Variants in ANKRD50 observed in about 807,000 individuals in gnomAD.
ANKRD50 encodes ankyrin repeat domain-containing protein 50.
ANKRD50 carries 40 observed loss-of-function variants against 112.0 expected under a neutral mutation model. The ratio of observed to expected loss-of-function variants is 0.36; its 90% CI spans 0.28 to 0.46. The LOEUF (loss-of-function observed/expected upper bound fraction) is 0.46, where lower values mean the gene tolerates loss of function less well. Ranked by LOEUF, ANKRD50 falls within the 20% of genes least tolerant of loss-of-function variation. The probability of loss-of-function intolerance (pLI) is 1.00; values close to 1 mark genes in which losing one functional copy is unlikely to be tolerated. For missense variants in ANKRD50, 1,487 were observed against 1,701.7 expected, an observed-to-expected ratio of 0.87 and a Z score of 2.22; for synonymous variants, 613 against 619.1, an observed-to-expected ratio of 0.99 and a Z score of 0.15.
intron 3 of ANKRD50, among the ~76,000 whole-genome samples, chr4:124,675,159 T>C (rs1730745432): frequency 6.6e-6 from 1 of 151,738 alleles, no homozygotes; most frequent in Admixed American, 6.6e-5. Flanking sequence ...TTCTATTCTT[T>C]TCTATTCTTA....
intron 2 of ANKRD50, among the ~76,000 whole-genome samples, chr4:124,687,343 C>T (rs984371913): frequency 2.0e-5 from 3 of 151,752 alleles, no homozygotes; most frequent in Non-Finnish European, 4.4e-5. Context: ...GCAAAAAAGA[C>T]GAACTTCAAT....
At chr4:124,675,219 T>C (rs1292055788) in intron 3 of ANKRD50, among the ~76,000 whole-genome samples, 1 of 151,840 alleles carries the variant, frequency 6.6e-6, no homozygotes, top group Non-Finnish European at 1.5e-5. Context: ...ACTTGAAACA[T>C]TTCTATTATT....
chr4:124,670,622 T>C lies in ANKRD50; in HGVS notation c.2655A>G (p.Ile885Met), dbSNP rs1730621758. 6 of 1,613,566 alleles carry C rather than the reference T, an allele frequency of 3.7e-6. No homozygotes were observed. The East Asian group carries it at 1.3e-4, about 36-fold the overall frequency. Reference sequence around the variant, plus strand: ...CATAATGACCCTCTTGTGAAGCTAATATGAAAGGGATTCGTCCATCATTGT... The same window carrying C: ...CATAATGACCCTCTTGTGAAGCTAACATGAAAGGGATTCGTCCATCATTGT... The part of the protein sequence containing the change: ...EIDNDGRIPF[I>M]LASQEGHYDC... Residue 885 changes from isoleucine (I) to methionine (M), a missense_variant, in exon 4 of 5, where the codon ATA becomes ATG. By Grantham distance (10) the Ile-to-Met change is conservative. This residue lies in a region of ANKRD50 where 1,046 missense variants were observed against 1,269.5 expected (regional missense o/e 0.82). Transcript: ENST00000504087.
intron 2 of ANKRD50, among the ~76,000 whole-genome samples, chr4:124,697,705 C>G (rs1236504135): frequency 6.6e-6 from 1 of 152,044 alleles, no homozygotes; most frequent in East Asian, 1.9e-4. Flanking sequence ...AAAACTTATC[C>G]AGCCTCAGGT....
In ANKRD50 at chr4:124,671,878, C is replaced by G. The variant is rs370851252; in HGVS notation, c.1399G>C (p.Glu467Gln). 1.6e-5 allele frequency: 26 copies of G among 1,613,776 alleles called. No individual in the cohort carries two copies. In the African/African-American group the frequency reaches 2.9e-4, roughly 18 times the overall value. ...ATCCACAGAGCTAACTCCGCTGTCT[C>G]TAATTGTAAGTTTGAGTTAATTAAG... Reference protein sequence around the residue: ...LHLINSNLQLETAELALWMIW... With the variant: ...LHLINSNLQLQTAELALWMIW... Residue 467 changes from glutamate to glutamine, a missense_variant, in exon 4 of 5, where the codon GAG becomes CAG. By Grantham distance (29) the Glu-to-Gln change is conservative (BLOSUM62 2). Transcript: ENST00000504087.
chr4:124,691,809 G>A (rs552637272), intron 2 of ANKRD50, among the ~76,000 whole-genome samples: 1 of 152,244 alleles, frequency 6.6e-6, no homozygotes, highest in South Asian at 2.1e-4. Flanking sequence ...GAGCAGAAGA[G>A]AAAACTAATG....
chr4:124,696,731 T>C (rs1307628235), intron 2 of ANKRD50, among the ~76,000 whole-genome samples: 7 of 152,170 alleles, frequency 4.6e-5, no homozygotes, highest in Non-Finnish European at 8.8e-5. Context: ...TTTTTTTGTC[T>C]TGGAGAATAT....
chr4:124,678,541 C>G (rs956799244), intron 3 of ANKRD50, 135 bp downstream of exon 3: 1 of 750,452 alleles, frequency 1.3e-6, no homozygotes, highest in African/African-American at 1.8e-5. Flanking sequence ...ATATAAATTT[C>G]AAAACGCACA....
Position 124,669,405 on chromosome 4 carries a change from G to A in ANKRD50, c.3872C>T (p.Ser1291Phe). 1.2e-6 allele frequency: 2 copies of A among 1,613,348 alleles called. No homozygotes were observed. The highest frequency in any genetic ancestry group is 1.7e-6 in the Non-Finnish European group (2 of 1,179,754). The change falls in exon 4 of 5, where the codon TCT becomes TTT. Residue 1291 changes from serine (S) to phenylalanine (F), a missense_variant. By Grantham distance (155) the Ser-to-Phe change is radical. This residue lies in a region of ANKRD50 where 441 missense variants were observed against 432.2 expected (regional missense o/e 1.02). Transcript: ENST00000504087. Reference sequence around the variant, plus strand: ...ATATTCTAAAACCTTTGGCTGTGAAGAATTACTTTGTTTCGCTTTTTTCCC... The same window carrying A: ...ATATTCTAAAACCTTTGGCTGTGAAAAATTACTTTGTTTCGCTTTTTTCCC... ...SAGKKAKQSNSSQPKVLEYEM... is the reference protein window; with the variant it reads ...SAGKKAKQSNFSQPKVLEYEM...
Position 124,710,338 on chromosome 4 carries a change from C to A in ANKRD50, c.174G>T (p.Gly58=), listed in dbSNP as rs568404867. The A allele has an allele frequency of 6.2e-7, 1 of 1,614,076 alleles. No homozygotes were observed. The highest frequency in any genetic ancestry group is 8.5e-7 in the Non-Finnish European group (1 of 1,180,044). The change falls in exon 2 of 5, where the codon GGG becomes GGT. Residue 58 remains glycine (G), a synonymous_variant. Transcript: ENST00000504087. ...VNAPSLVMNS[G]NNASGVSGKG... is the part of the protein sequence containing the mutation. ...TTCCAGAGACACCACTAGCATTATT[C>A]CCAGAATTCATTACAAGTGATGGTG...
chr4:124,669,282 A>G lies in ANKRD50; in HGVS notation c.3995T>C (p.Ile1332Thr), dbSNP rs1262847907. 1 of 1,613,822 alleles carries G rather than the reference A, an allele frequency of 6.2e-7. No individual in the cohort carries two copies. The highest frequency in any genetic ancestry group is 8.5e-7 in the Non-Finnish European group (1 of 1,179,840). ...MPAESQCKIM[I>T]PSAQQEIGRS... ...ACCAATTTCCTGCTGAGCTGAAGGT[A>G]TCATAATTTTGCATTGAGATTCTGC... Residue 1332 changes from isoleucine (I) to threonine (T), a missense_variant, in exon 4 of 5, where the codon ATA becomes ACA. Ile to Thr is a moderately conservative substitution (Grantham distance 89). This residue lies in a region of ANKRD50 where 441 missense variants were observed against 432.2 expected (regional missense o/e 1.02). Coordinates refer to ENST00000504087, the MANE Select transcript of ANKRD50 (RefSeq NM_020337.3).
At position 124,711,096 on chromosome 4, in the gene ANKRD50, T is replaced by C. The variant is rs1006518047; in HGVS notation, c.-585A>G. 5.6e-5 allele frequency: 13 copies of C among 233,610 alleles called. No homozygotes were observed. The highest frequency in any genetic ancestry group is 1.3e-3 in the Middle Eastern group (1 of 768). The allele number at this position is 233,610 out of a possible 1,614,324, so 14.5% of individuals were successfully genotyped here. On this transcript the variant is annotated 5_prime_UTR_variant, in exon 2 of 5. Coordinates refer to ENST00000504087, the MANE Select transcript of ANKRD50 (RefSeq NM_020337.3). Reference sequence around the variant, plus strand: ...TGCCAGTTTCAGGCATCTGGGCAACTGCCAGGAACTGTTTCAGATTATAGT... The same window carrying C: ...TGCCAGTTTCAGGCATCTGGGCAACCGCCAGGAACTGTTTCAGATTATAGT...
chr4:124,710,723 G>T lies in ANKRD50; in HGVS notation c.-212C>A, dbSNP rs779889734. ...ATCAGCAGTCTATGTATTAGTTGTT[G>T]AACTGAGGGAGAAACGCCTGATTCC... On this transcript the variant is annotated 5_prime_UTR_variant, in exon 2 of 5. Coordinates refer to ENST00000504087, the MANE Select transcript of ANKRD50 (RefSeq NM_020337.3). 71 of 585,190 alleles carry T rather than the reference G, an allele frequency of 1.2e-4. No homozygotes were observed. The highest frequency in any genetic ancestry group is 1.8e-4 in the Non-Finnish European group (63 of 340,914). The allele number at this position is 585,190 out of a possible 1,614,324, so 36.2% of individuals were successfully genotyped here. A position where few individuals can be genotyped will look rare whatever the true frequency, so the allele number is the denominator to read the frequency against.
At position 124,670,403 on chromosome 4, in the gene ANKRD50, C is replaced by A; in HGVS notation, c.2874G>T (p.Gln958His). 6.2e-7 allele frequency: 1 copy of A among 1,613,870 alleles called. No individual in the cohort carries two copies. Among genetic ancestry groups the A allele is most frequent in the Non-Finnish European group, 8.5e-7 (1 of 1,179,902 alleles). Reference protein sequence around the residue: ...PTLYILALENQLTMAEYFLEN... With the variant: ...PTLYILALENHLTMAEYFLEN... ...CTAAAAAATATTCGGCCATTGTAAG[C>A]TGATTTTCTAAGGCCAAGATATAAA... is the stretch of plus-strand genomic sequence containing the variant. Residue 958 changes from glutamine to histidine, a missense_variant, in exon 4 of 5, where the codon CAG becomes CAT. Around this residue, in one of 2 missense-constraint regions of ANKRD50, gnomAD observed 1,046 missense variants for 1,269.5 expected, o/e 0.82. Transcript: ENST00000504087.
At position 124,709,360 on chromosome 4, in the gene ANKRD50, G is replaced by A. The variant is rs1465427744; in HGVS notation, c.512+640C>T. ...CCAATCCATTTACCATGGAAAAAAA[G>A]CTTTGCTGAAGTTAGGAAAAAACAC... is the stretch of plus-strand genomic sequence containing the variant. On this transcript the variant is annotated intron_variant, in intron 2 of 4. Transcript: ENST00000504087. 3.3e-5 allele frequency among the ~76,000 whole-genome samples: 5 copies of A among 152,154 alleles called. No individual in the cohort carries two copies. In the South Asian group the frequency reaches 1.0e-3, roughly 32 times the overall value.
At chr4:124,681,513 C>T (rs1382883945) in intron 2 of ANKRD50, among the ~76,000 whole-genome samples, 2 of 152,260 alleles carry the variant, frequency 1.3e-5, no homozygotes, top group African/African-American at 4.8e-5. Flanking sequence ...GTCCTGGGCA[C>T]ATCATAGTGG....
chr4:124,670,586 T>C lies in ANKRD50; in HGVS notation c.2691A>G (p.Gln897=), dbSNP rs774647352. The C allele has an allele frequency of 1.2e-6, 2 of 1,613,010 alleles. No individual in the cohort carries two copies. Among genetic ancestry groups the C allele is most frequent in the Non-Finnish European group, 1.7e-6 (2 of 1,179,666 alleles). ...ASQEGHYDCV[Q]ILLENKSNID... The stretch of plus-strand genomic sequence containing the variant: ...TGTTGGATTTGTTTTCCAGTAATAT[T>C]TGAACACAATCATAATGACCCTCTT... Residue 897 remains glutamine (Q), a synonymous_variant, in exon 4 of 5, where the codon CAA becomes CAG. Coordinates refer to ENST00000504087, the MANE Select transcript of ANKRD50 (RefSeq NM_020337.3).
At chr4:124,691,440 CGAG>C (rs1050898794) in intron 2 of ANKRD50, among the ~76,000 whole-genome samples, 1 of 124,868 alleles carries the variant, frequency 8.0e-6, no homozygotes, top group African/African-American at 3.1e-5. Context: ...TGCAGTGAGC[CGAG>C]ATTGCGCCAC....
chr4:124,704,598 C>A (rs1206853738), intron 2 of ANKRD50, among the ~76,000 whole-genome samples: 3 of 152,262 alleles, frequency 2.0e-5, no homozygotes, highest in Non-Finnish European at 4.4e-5. Flanking sequence ...AGAGCTTCAG[C>A]CTTCTTTCAA....
Sources: allele counts gnomAD v4.1 joint callset (sites outside exome capture counted in the v4.1 genomes callset), GRCh38; gene constraint gnomAD v4.1.1; regional missense constraint gnomAD v4.1.1; transcripts MANE v1.5; gene names NCBI Gene and HGNC (gene_info 2026-07-23, HGNC 2026-07-21).